The following PRELID2 variants were observed in gnomAD, a reference collection of about 807,000 sequenced individuals.
The protein encoded by PRELID2 is PRELI domain containing 2.
PRELID2 carries 25 observed loss-of-function variants against 28.4 expected under a neutral mutation model. That is an observed-to-expected ratio of 0.88 (90% CI 0.64 to 1.23). The LOEUF is 1.23. PRELID2 is among the 50% of genes most tolerant of loss of function. The pLI is 0.00. For missense variants in PRELID2, 201 were observed against 214.4 expected, an observed-to-expected ratio of 0.94 and a Z score of 0.39; for synonymous variants, 76 against 71.6, an observed-to-expected ratio of 1.06 and a Z score of -0.31.
intron 1 of PRELID2, among the ~76,000 whole-genome samples, chr5:145,531,030 A>G (rs1752650771): frequency 6.6e-6 from 1 of 152,200 alleles, no homozygotes; most frequent in South Asian, 2.1e-4. Flanking sequence ...AAATTCTTTG[A>G]AAGAAAAGTG....
At chr5:145,325,594 C>A in the PRELID2 span, among the ~76,000 whole-genome samples, 12 of 151,976 alleles carry the variant, frequency 7.9e-5, no homozygotes, top group Admixed American at 1.3e-4. Context: ...GAGGATTAAC[C>A]CCATGTTTTC....
the PRELID2 span, among the ~76,000 whole-genome samples, chr5:145,358,114 G>C: frequency 6.6e-6 from 1 of 152,056 alleles, no homozygotes; most frequent in Non-Finnish European, 1.5e-5. Context: ...GCAGTTGGCA[G>C]ACAGGCCATA....
At chr5:145,696,103 A>G (rs1456623692) in intron 1 of PRELID2, among the ~76,000 whole-genome samples, 1 of 151,182 alleles carries the variant, frequency 6.6e-6, no homozygotes, top group African/African-American at 2.4e-5. Context: ...CTTGAAAATC[A>G]TGTATATATG....
chr5:145,592,398 C>T (rs1398641758), intron 1 of PRELID2, among the ~76,000 whole-genome samples: 1 of 151,534 alleles, frequency 6.6e-6, no homozygotes, highest in Non-Finnish European at 1.5e-5. Context: ...CCAGCCTGGG[C>T]AACAGAGCGA....
the PRELID2 span, among the ~76,000 whole-genome samples, chr5:145,270,066 A>G: frequency 1.3e-4 from 19 of 151,812 alleles, no homozygotes; most frequent in Non-Finnish European, 2.9e-5. Flanking sequence ...AATGATTACT[A>G]TTAAAAGACT....
chr5:145,578,210 C>A (rs1753078100), intron 1 of PRELID2, among the ~76,000 whole-genome samples: 1 of 152,130 alleles, frequency 6.6e-6, no homozygotes, highest in South Asian at 2.1e-4. Flanking sequence ...GCAAGCATTT[C>A]TAGCCCATCT....
At chr5:145,628,445 T>C (rs1753883226) in intron 1 of PRELID2, among the ~76,000 whole-genome samples, 1 of 152,204 alleles carries the variant, frequency 6.6e-6, no homozygotes, top group Non-Finnish European at 1.5e-5. Context: ...TGCCTCAGCC[T>C]CCTGAGTAGC....
chr5:145,763,214 G>A (rs1581154637), intron 6 of PRELID2, among the ~76,000 whole-genome samples: 1 of 152,308 alleles, frequency 6.6e-6, no homozygotes, highest in Admixed American at 6.5e-5. Context: ...GAGTAAGATG[G>A]GATCTGTGCC....
the PRELID2 span, among the ~76,000 whole-genome samples, chr5:145,411,298 A>T: frequency 3.3e-5 from 5 of 152,144 alleles, no homozygotes; most frequent in Non-Finnish European, 4.4e-5. Context: ...CATGAGATAT[A>T]TTCACTATCA....
chr5:145,358,476 T>G, the PRELID2 span, among the ~76,000 whole-genome samples: 1 of 151,942 alleles, frequency 6.6e-6, no homozygotes, highest in East Asian at 2.0e-4. Flanking sequence ...CACTCTCCAA[T>G]GAGTTCACAC....
chr5:145,584,739 T>C (rs986335981), intron 1 of PRELID2, among the ~76,000 whole-genome samples: 3 of 151,964 alleles, frequency 2.0e-5, no homozygotes, highest in African/African-American at 7.3e-5. Context: ...TGAGATACCA[T>C]CTCCCACCAG....
At chr5:145,268,142 G>T in the PRELID2 span, among the ~76,000 whole-genome samples, 1 of 151,918 alleles carries the variant, frequency 6.6e-6, no homozygotes, top group Non-Finnish European at 1.5e-5. Flanking sequence ...CTTTTAACTC[G>T]ATGTGATCCC....
chr5:145,831,499 A>G (rs1483811938), intron 1 of PRELID2, among the ~76,000 whole-genome samples: 1 of 152,234 alleles, frequency 6.6e-6, no homozygotes, highest in Non-Finnish European at 1.5e-5. Context: ...TGAAAGCATA[A>G]TGATCAAGAT....
At chr5:145,394,252 T>TA in the PRELID2 span, among the ~76,000 whole-genome samples, 4 of 152,026 alleles carry the variant, frequency 2.6e-5, no homozygotes. Flanking sequence ...TATGCAGCCA[T>TA]AAAAAAATGA....
the PRELID2 span, among the ~76,000 whole-genome samples, chr5:145,430,114 G>A: frequency 3.9e-5 from 6 of 152,176 alleles, no homozygotes; most frequent in East Asian, 1.2e-3. Flanking sequence ...AGTGGTTTTC[G>A]ATGAAGTAAT....
At chr5:145,383,484 A>T in the PRELID2 span, among the ~76,000 whole-genome samples, 3 of 151,532 alleles carry the variant, frequency 2.0e-5, no homozygotes, top group African/African-American at 7.3e-5. Flanking sequence ...CAAATAGATA[A>T]ATATAATAAA....
At chr5:145,320,582 C>T in the PRELID2 span, among the ~76,000 whole-genome samples, 3 of 152,174 alleles carry the variant, frequency 2.0e-5, no homozygotes. Flanking sequence ...ACACCAGAAG[C>T]ACACATTTCC....
intron 1 of PRELID2, among the ~76,000 whole-genome samples, chr5:145,595,169 C>CACACACATACACACACACACACACACAT (rs61131780): frequency 3.4e-5 from 5 of 148,564 alleles, no homozygotes; most frequent in Non-Finnish European, 7.4e-5. Context: ...TAGACACACA[C>CACACACATACACACACACACACACACAT]ACACACACAC....
rs1399884183 is a variant in PRELID2, at chr5:145,742,085, TA to T, written n.70+22845del. Among the ~76,000 whole-genome samples, 8 of 37,128 alleles carry T rather than the reference TA, an allele frequency of 2.2e-4. No individual in the cohort carries two copies. In the East Asian group the frequency reaches 6.2e-3, roughly 29 times the overall value. The allele number at this position is 37,128 out of a possible 152,430, so 24.4% of individuals were successfully genotyped here. On this transcript the variant is annotated intron_variant and non_coding_transcript_variant, in intron 1 of 2. Coordinates refer to the PRELID2 transcript ENST00000510259. ...TTATTTATAATTATACGTAATTATA[TA>T]TTTATAATTACATATAATTATATAT...
Sources: allele counts gnomAD v4.1 joint callset (sites outside exome capture counted in the v4.1 genomes callset), GRCh38; gene constraint gnomAD v4.1.1; transcripts MANE v1.5; gene names NCBI Gene and HGNC (gene_info 2026-07-23, HGNC 2026-07-21).